Variants in EPHA6 observed in about 807,000 individuals in gnomAD.
EPHA6 encodes ephrin type-A receptor 6.
A neutral mutation model predicts 112.0 loss-of-function variants in EPHA6; 50 were observed. The ratio of observed to expected loss-of-function variants is 0.45; its 90% CI spans 0.36 to 0.56. The LOEUF is 0.56. Among genes scored for constraint, EPHA6 ranks in the 20% least tolerant of loss-of-function variants. The pLI, the probability that EPHA6 is intolerant of heterozygous loss-of-function variation, is 0.00. For synonymous variants in EPHA6, 529 were observed against 490.7 expected (o/e 1.08, Z -1.03); for missense variants, 1,280 against 1,417.4 (o/e 0.90, Z 1.56).
chr3:97,328,726 A>T (rs1412518764), intron 5 of EPHA6, among the ~76,000 whole-genome samples: 2 of 151,914 alleles, frequency 1.3e-5, no homozygotes, highest in Admixed American at 1.3e-4. Flanking sequence ...TATCAATTTT[A>T]CTTTTCTGGA....
At chr3:97,246,612 A>T (rs1444443659) in intron 5 of EPHA6, among the ~76,000 whole-genome samples, 2 of 151,692 alleles carry the variant, frequency 1.3e-5, no homozygotes. Flanking sequence ...GATTATTGTT[A>T]ATTTAATTTG....
At chr3:96,831,788 T>G (rs1284864160) in intron 1 of EPHA6, among the ~76,000 whole-genome samples, 1 of 152,214 alleles carries the variant, frequency 6.6e-6, no homozygotes, top group Admixed American at 6.6e-5. Context: ...AATAAATTAC[T>G]TATAAGATAT....
At chr3:97,571,371 C>T (rs571522368) in intron 11 of EPHA6, among the ~76,000 whole-genome samples, 1 of 150,090 alleles carries the variant, frequency 6.7e-6, no homozygotes, top group South Asian at 2.1e-4. Flanking sequence ...AAAAACCCTC[C>T]TTAAAAAAAA....
intron 10 of EPHA6, among the ~76,000 whole-genome samples, chr3:97,486,076 A>G (rs1183432920): frequency 6.6e-6 from 1 of 152,254 alleles, no homozygotes; most frequent in Non-Finnish European, 1.5e-5. Flanking sequence ...TATAATTGAT[A>G]CTGCAAAAGC....
intron 14 of EPHA6, among the ~76,000 whole-genome samples, chr3:97,641,198 A>T (rs1173061863): frequency 6.6e-6 from 1 of 152,222 alleles, no homozygotes; most frequent in East Asian, 1.9e-4. Context: ...ATAGACAGAT[A>T]TTCTGTCTCA....
intron 11 of EPHA6, among the ~76,000 whole-genome samples, chr3:97,567,673 G>A (rs2093284884): frequency 6.6e-6 from 1 of 152,158 alleles, no homozygotes; most frequent in South Asian, 2.1e-4. Flanking sequence ...GGTAGAGATC[G>A]AGGCAGAGAT....
At chr3:97,734,893 T>C (rs1375903082) in intron 15 of EPHA6, among the ~76,000 whole-genome samples, 1 of 152,036 alleles carries the variant, frequency 6.6e-6, no homozygotes, top group Admixed American at 6.6e-5. Flanking sequence ...CTAGGCTACA[T>C]AAATTCAGGG....
chr3:97,596,942 G>C (rs1259204476), intron 12 of EPHA6, among the ~76,000 whole-genome samples: 1 of 139,022 alleles, frequency 7.2e-6, no homozygotes, highest in African/African-American at 2.8e-5. Context: ...TAGATATATA[G>C]AGATATATAC....
intron 11 of EPHA6, among the ~76,000 whole-genome samples, chr3:97,556,457 T>C (rs2107128732): frequency 6.6e-6 from 1 of 152,164 alleles, no homozygotes; most frequent in South Asian, 2.1e-4. Context: ...GAAGCAAGCA[T>C]GTCCTTCTTC....
At chr3:97,447,339 A>G (rs2090380079) in intron 6 of EPHA6, among the ~76,000 whole-genome samples, 1 of 152,126 alleles carries the variant, frequency 6.6e-6, no homozygotes, top group African/African-American at 2.4e-5. Context: ...TCAGGCAAAC[A>G]CTAAATGAAA....
intron 14 of EPHA6, among the ~76,000 whole-genome samples, chr3:97,656,840 C>G (rs923847705): frequency 2.0e-5 from 3 of 152,050 alleles, no homozygotes; most frequent in African/African-American, 7.2e-5. Flanking sequence ...ATTCCCTGTT[C>G]ACATTAACAT....
At chr3:97,181,603 ATG>A (rs748725366) in intron 3 of EPHA6, among the ~76,000 whole-genome samples, 39 of 151,606 alleles carry the variant, frequency 2.6e-4, no homozygotes, top group African/African-American at 7.5e-4. Context: ...GTGTGTATAT[ATG>A]TGTGTGTGTG....
At chr3:97,060,965 A>G (rs1038641329) in intron 3 of EPHA6, among the ~76,000 whole-genome samples, 1 of 148,962 alleles carries the variant, frequency 6.7e-6, no homozygotes, top group Non-Finnish European at 1.5e-5. Context: ...GCTAACACTC[A>G]GCCCAAGAAC....
intron 11 of EPHA6, among the ~76,000 whole-genome samples, chr3:97,557,944 A>T (rs2093136040): frequency 6.6e-6 from 1 of 151,888 alleles, no homozygotes; most frequent in African/African-American, 2.4e-5. Flanking sequence ...ATTTGCTTTC[A>T]AGGAGCCACC....
At chr3:97,732,825 A>G (rs751422845) in intron 15 of EPHA6, among the ~76,000 whole-genome samples, 9 of 152,064 alleles carry the variant, frequency 5.9e-5, no homozygotes, top group Admixed American at 4.6e-4. Flanking sequence ...ATCTGTTTTT[A>G]TCACTGTCAC....
In EPHA6 at chr3:97,751,309, T is replaced by C. The variant is rs1040977709; in HGVS notation, c.*2608T>C. On this transcript the variant is annotated 3_prime_UTR_variant, in exon 18 of 18. Coordinates refer to ENST00000389672, the MANE Select transcript of EPHA6 (RefSeq NM_001080448.3). ...TATTCTACATCTGGTTAATTTGTAC[T>C]TATTTTTTCTTTCTCTAACATCTTT... Among the ~76,000 whole-genome samples the C allele has an allele frequency of 1.3e-5, 2 of 152,156 alleles. No individual in the cohort carries two copies. The highest frequency in any genetic ancestry group is 4.8e-5 in the African/African-American group (2 of 41,460).
chr3:97,497,762 G>A (rs902667519), intron 10 of EPHA6, among the ~76,000 whole-genome samples: 2 of 152,116 alleles, frequency 1.3e-5, no homozygotes, highest in East Asian at 1.9e-4. Flanking sequence ...ATGCATGTGC[G>A]GGGTTAATTG....
At chr3:97,291,294 G>A (rs983089149) in intron 5 of EPHA6, among the ~76,000 whole-genome samples, 4 of 152,082 alleles carry the variant, frequency 2.6e-5, no homozygotes, top group African/African-American at 4.8e-5. Flanking sequence ...TGTTACCTAC[G>A]TATAATCTAT....
At chr3:97,104,717 G>T (rs1279079541) in intron 3 of EPHA6, among the ~76,000 whole-genome samples, 1 of 152,084 alleles carries the variant, frequency 6.6e-6, no homozygotes, top group Non-Finnish European at 1.5e-5. Context: ...AGTAGGAATG[G>T]TATCAGCTCT....
Sources: gnomAD v4.1 joint callset for allele counts (sites outside exome capture counted in the v4.1 genomes callset) on GRCh38, gnomAD v4.1.1 for gene constraint, MANE v1.5 for transcripts, NCBI Gene and HGNC (gene_info 2026-07-23, HGNC 2026-07-21) for gene names.